The following NFATC2 variants were observed in gnomAD, a reference collection of about 807,000 sequenced individuals.
NFATC2 encodes the protein nuclear factor of activated T cells 2.
A neutral mutation model predicts 87.3 loss-of-function variants in NFATC2; 22 were observed. That is an observed-to-expected ratio of 0.25 (90% CI 0.18 to 0.36). NFATC2 has a LOEUF of 0.36. NFATC2 is among the 10% of genes least tolerant of loss of function. The pLI is 1.00. For synonymous variants in NFATC2, 565 were observed against 542.2 expected (o/e 1.04, Z -0.58); for missense variants, 1,149 against 1,259.1 (o/e 0.91, Z 1.32).
intron 9 of NFATC2, among the ~76,000 whole-genome samples, chr20:51,410,135 G>A (rs1161430792): frequency 2.6e-5 from 4 of 151,682 alleles, no homozygotes; most frequent in South Asian, 2.1e-4. Flanking sequence ...GCGTGAACTC[G>A]GGAGGCGGAG....
chr20:51,437,429 G>A (rs1038479384), intron 6 of NFATC2, among the ~76,000 whole-genome samples: 3 of 152,148 alleles, frequency 2.0e-5, no homozygotes, highest in African/African-American at 7.2e-5. Flanking sequence ...CACTTCCCAA[G>A]GTTTGACCAA....
intron 3 of NFATC2, among the ~76,000 whole-genome samples, chr20:51,486,234 T>C (rs1989701300): frequency 6.7e-6 from 1 of 149,314 alleles, no homozygotes; most frequent in South Asian, 2.1e-4. Flanking sequence ...AAGAAGAAAA[T>C]CCAAACTGCC....
In NFATC2 at chr20:51,425,296, C is replaced by T. The variant is rs181038862; in HGVS notation, c.2722+6771G>A. ...AGGACGCTGGCAAAAGCCCTCCCAACGGGGGCCTGGCCTTTTATTGGTGTC... is the reference window on the plus strand; with the variant it reads ...AGGACGCTGGCAAAAGCCCTCCCAATGGGGGCCTGGCCTTTTATTGGTGTC... On this transcript the variant is annotated intron_variant, in intron 9 of 10. Transcript: ENST00000371564. Among the ~76,000 whole-genome samples, 19 of 152,338 alleles carry T rather than the reference C, an allele frequency of 1.2e-4. No individual in the cohort carries two copies. In the East Asian group the frequency reaches 2.1e-3, roughly 17 times the overall value.
intron 1 of NFATC2, among the ~76,000 whole-genome samples, chr20:51,552,525 T>C (rs1287811605): frequency 6.6e-6 from 1 of 152,192 alleles, no homozygotes; most frequent in Non-Finnish European, 1.5e-5. Context: ...AGAGGACTTC[T>C]CTGTTGTGAG....
chr20:51,508,541 T>G (rs1443432483), intron 3 of NFATC2, among the ~76,000 whole-genome samples: 1 of 151,910 alleles, frequency 6.6e-6, no homozygotes, highest in Non-Finnish European at 1.5e-5. Context: ...TGAGGATGGC[T>G]CCTCAAAAGT....
At chr20:51,488,718 C>T (rs1035171495) in intron 3 of NFATC2, among the ~76,000 whole-genome samples, 2 of 152,166 alleles carry the variant, frequency 1.3e-5, no homozygotes, top group Non-Finnish European at 2.9e-5. Context: ...TCCCTGGGTC[C>T]CAGCACTGTC....
intron 9 of NFATC2, 40 bp from the exon 10 acceptor site, chr20:51,398,770 A>T (rs1359788249): frequency 7.2e-7 from 1 of 1,390,618 alleles, no homozygotes; most frequent in Non-Finnish European, 1.0e-6. Context: ...GAAGAAAAAA[A>T]AAAATCACCT....
Position 51,431,624 on chromosome 20 carries a change from T to TCCCTCC in NFATC2, c.2722+437_2722+442dup, listed in dbSNP as rs1342612357. 4.6e-5 allele frequency among the ~76,000 whole-genome samples: 7 copies of TCCCTCC among 152,202 alleles called. No individual in the cohort carries two copies. The East Asian group carries it at 1.4e-3, about 29-fold the overall frequency. On this transcript the variant is annotated intron_variant, in intron 9 of 10. Coordinates refer to ENST00000371564, the MANE Select transcript of NFATC2 (RefSeq NM_012340.5). Reference sequence around the variant, plus strand: ...GCTTTCTTCTTCCTTTTCCTCCCTCTCCCTCCCTCAAATATACAAAAGAGG... The same window carrying TCCCTCC: ...GCTTTCTTCTTCCTTTTCCTCCCTCTCCCTCCCCCTCCCTCAAATATACAAAAGAGG...
chr20:51,403,097 T>C (rs78477550), intron 9 of NFATC2, among the ~76,000 whole-genome samples: 1 of 152,136 alleles, frequency 6.6e-6, no homozygotes, highest in African/African-American at 2.4e-5. Flanking sequence ...GCGCACGTCC[T>C]GGAAGCAGAG....
At chr20:51,482,083 C>T (rs1989308513) in intron 3 of NFATC2, among the ~76,000 whole-genome samples, 1 of 152,074 alleles carries the variant, frequency 6.6e-6, no homozygotes, top group African/African-American at 2.4e-5. Flanking sequence ...TGTTGTATGG[C>T]TGATTCCTGA....
chr20:51,490,254 T>C (rs754385636), intron 3 of NFATC2, among the ~76,000 whole-genome samples: 5 of 152,206 alleles, frequency 3.3e-5, no homozygotes, highest in Non-Finnish European at 7.3e-5. Flanking sequence ...GAGAGAGGTA[T>C]TATAATTTTA....
chr20:51,545,528 T>G (rs1363233465), upstream of NFATC2, among the ~76,000 whole-genome samples: 1 of 152,194 alleles, frequency 6.6e-6, no homozygotes, highest in Non-Finnish European at 1.5e-5. Context: ...TGTGGATAAA[T>G]GGAGGATGGA....
chr20:51,451,750 G>A (rs1040071117), intron 6 of NFATC2, among the ~76,000 whole-genome samples: 2 of 152,152 alleles, frequency 1.3e-5, no homozygotes, highest in East Asian at 3.9e-4. Context: ...GAACCCTACT[G>A]TAAACTGCGC....
At chr20:51,556,699 G>C (rs2076981179) in intron 1 of NFATC2, among the ~76,000 whole-genome samples, 1 of 66,808 alleles carries the variant, frequency 1.5e-5, no homozygotes, top group Admixed American at 1.9e-4. Flanking sequence ...CAAAGAGAGG[G>C]ACCAACAGTG....
chr20:51,459,190 G>A (rs753832714), intron 5 of NFATC2, among the ~76,000 whole-genome samples: 28 of 152,146 alleles, frequency 1.8e-4, no homozygotes, highest in Non-Finnish European at 5.9e-5. Context: ...AACAAAGCGT[G>A]GTCTATCCAT....
intron 9 of NFATC2, among the ~76,000 whole-genome samples, chr20:51,415,801 C>CT (rs2146285997): frequency 6.6e-6 from 1 of 152,320 alleles, no homozygotes; most frequent in South Asian, 2.1e-4. Flanking sequence ...ATCAGCCTCC[C>CT]TTCCTTCCAT....
chr20:51,536,936 C>T (rs2076731458), intron 1 of NFATC2, among the ~76,000 whole-genome samples: 1 of 151,722 alleles, frequency 6.6e-6, no homozygotes, highest in Non-Finnish European at 1.5e-5. Flanking sequence ...TACTGTATCA[C>T]AGCACCTCAT....
At chr20:51,425,264 C>CA (rs1473230520) in intron 9 of NFATC2, among the ~76,000 whole-genome samples, 2 of 152,072 alleles carry the variant, frequency 1.3e-5, no homozygotes, top group African/African-American at 2.4e-5. Flanking sequence ...TAAATGAAGG[C>CA]AAAAAAAGGA....
At chr20:51,417,178 A>C (rs1411956324) in intron 9 of NFATC2, among the ~76,000 whole-genome samples, 1 of 152,054 alleles carries the variant, frequency 6.6e-6, no homozygotes, top group African/African-American at 2.4e-5. Flanking sequence ...AGATGCAGAG[A>C]TGACCATCCC....
Sources: gnomAD v4.1 joint callset for allele counts (sites outside exome capture counted in the v4.1 genomes callset) on GRCh38, gnomAD v4.1.1 for gene constraint, MANE v1.5 for transcripts, NCBI Gene and HGNC (gene_info 2026-07-23, HGNC 2026-07-21) for gene names.